The following DPYSL2 variants were observed in gnomAD, a reference collection of about 807,000 sequenced individuals.
DPYSL2 encodes dihydropyrimidinase-related protein 2.
DPYSL2 carries 13 observed loss-of-function variants against 69.9 expected under a neutral mutation model. That is an observed-to-expected ratio of 0.19 (90% confidence interval 0.12 to 0.30). DPYSL2 has a LOEUF of 0.30. DPYSL2 is among the 10% of genes least tolerant of loss of function. The pLI is 1.00. For missense variants in DPYSL2, 587 were observed against 918.9 expected (o/e 0.64, Z 4.67); for synonymous variants, 326 against 359.1 (o/e 0.91, Z 1.04).
chr8:26,656,725 T>C lies in DPYSL2; in HGVS notation c.*1019T>C, dbSNP rs535873003. 3.1e-4 allele frequency: 47 copies of C among 152,802 alleles called. No homozygotes were observed. Among genetic ancestry groups the C allele is most frequent in the Admixed American group, 1.9e-3 (29 of 15,300 alleles). 9.5% of individuals were successfully genotyped at this position (152,802 alleles called of 1,614,324 possible). On this transcript the variant is annotated 3_prime_UTR_variant, in exon 14 of 14. Coordinates refer to ENST00000521913, the MANE Select transcript of DPYSL2 (RefSeq NM_001197293.3). ...GACTGGTGCTAACCACCTGCCATCA[T>C]GAGGATGTGTGCTAGAGTGTGGGAC...
intron 1 of DPYSL2, among the ~76,000 whole-genome samples, chr8:26,515,874 T>C (rs1808278627): frequency 1.3e-5 from 2 of 152,260 alleles, no homozygotes; most frequent in Non-Finnish European, 2.9e-5. Flanking sequence ...AGGTTTCTTC[T>C]TCTCAGAGGG....
chr8:26,534,269 C>A (rs747953675), intron 1 of DPYSL2, among the ~76,000 whole-genome samples: 2 of 152,188 alleles, frequency 1.3e-5, no homozygotes, highest in Non-Finnish European at 2.9e-5. Flanking sequence ...GAGCCTCCAT[C>A]TCCTAGGCTC....
intron 1 of DPYSL2, among the ~76,000 whole-genome samples, chr8:26,559,361 A>G: frequency 6.6e-6 from 1 of 152,342 alleles, no homozygotes; most frequent in Non-Finnish European, 1.5e-5. Flanking sequence ...CACATTAAAA[A>G]TTTTAATCAT....
intron 7 of DPYSL2, among the ~76,000 whole-genome samples, chr8:26,630,515 T>C (rs2129927174): frequency 6.6e-6 from 1 of 152,336 alleles, no homozygotes; most frequent in Non-Finnish European, 1.5e-5. Context: ...TGCCTTCATT[T>C]AGTGCTCACG....
chr8:26,538,235 G>A (rs1213722663), intron 1 of DPYSL2, among the ~76,000 whole-genome samples: 1 of 152,136 alleles, frequency 6.6e-6, no homozygotes, highest in Non-Finnish European at 1.5e-5. Flanking sequence ...TGGTGGACTA[G>A]GAGGCACCAG....
At chr8:26,557,623 CAAAAAA>C (rs56215906) in intron 1 of DPYSL2, among the ~76,000 whole-genome samples, 2 of 74,320 alleles carry the variant, frequency 2.7e-5, no homozygotes, top group Non-Finnish European at 4.6e-5. Flanking sequence ...ACTAAAAATA[CAAAAAA>C]AAAAAAAAAA....
At chr8:26,523,622 G>A (rs1049378889) in intron 1 of DPYSL2, among the ~76,000 whole-genome samples, 12 of 151,880 alleles carry the variant, frequency 7.9e-5, no homozygotes, top group African/African-American at 2.9e-4. Context: ...CTCAAAGTTT[G>A]TTCATGTTGT....
rs532113729 is a variant in DPYSL2 at position 26,586,638 on chromosome 8, C to G, written c.628+2655C>G. 1.3e-5 allele frequency among the ~76,000 whole-genome samples: 2 copies of G among 152,278 alleles called. No individual in the cohort carries two copies. The highest frequency in any genetic ancestry group is 4.8e-5 in the African/African-American group (2 of 41,548). On this transcript the variant is annotated intron_variant, in intron 3 of 13. Transcript: ENST00000521913. This position sits in a 1 kb window ranked among gnomAD's most constrained non-coding sequence, Gnocchi z 4.7. ...CGTCTTCCCCCTCAGAGGCTGTGGC[C>G]TTTTTTCCATTCATCCAGATGGGTT...
chr8:26,557,140 A>T (rs139568320), intron 1 of DPYSL2, among the ~76,000 whole-genome samples: 1 of 152,316 alleles, frequency 6.6e-6, no homozygotes, highest in East Asian at 1.9e-4. Context: ...AACATAGAAG[A>T]TGACTTTTTA....
chr8:26,628,298 G>A (rs1429680407), intron 7 of DPYSL2, among the ~76,000 whole-genome samples: 7 of 152,214 alleles, frequency 4.6e-5, no homozygotes, highest in South Asian at 2.1e-4. Flanking sequence ...TCACCAAAAC[G>A]TAGTTGGAAG....
At chr8:26,639,233 A>T (rs898603617) in intron 8 of DPYSL2, among the ~76,000 whole-genome samples, 2 of 152,044 alleles carry the variant, frequency 1.3e-5, no homozygotes, top group South Asian at 2.1e-4. Context: ...GAAAAGGGGG[A>T]TGAGAGAGGA....
rs1490125109 is a variant in DPYSL2 at position 26,571,091 on chromosome 8, A to G, written c.355-10878A>G. 6.6e-6 allele frequency among the ~76,000 whole-genome samples: 1 copy of G among 152,198 alleles called. No homozygotes were observed. Among genetic ancestry groups the G allele is most frequent in the East Asian group, 1.9e-4 (1 of 5,190 alleles). On this transcript the variant is annotated intron_variant, in intron 1 of 13. Coordinates refer to ENST00000521913, the MANE Select transcript of DPYSL2 (RefSeq NM_001197293.3). The surrounding 1 kb of genome is among the most constrained non-coding windows in gnomAD (Gnocchi z 6.1). ...TTCATAATGTTCCCCCTGGACAAAG[A>G]GCAGACCAGTGATGCCCTGTGGTGA...
chr8:26,524,500 A>G (rs1808442530), intron 1 of DPYSL2, among the ~76,000 whole-genome samples: 1 of 152,070 alleles, frequency 6.6e-6, no homozygotes, highest in Admixed American at 6.6e-5. Flanking sequence ...TTAAATTCCC[A>G]TTAAAAATGA....
At chr8:26,603,612 C>G (rs1270454257) in intron 3 of DPYSL2, among the ~76,000 whole-genome samples, 1 of 152,198 alleles carries the variant, frequency 6.6e-6, no homozygotes, top group Non-Finnish European at 1.5e-5. Flanking sequence ...ACTTTATCAT[C>G]ATCCCTAACT....
In DPYSL2 at chr8:26,640,729, AG is replaced by A. The variant is rs1400313598; in HGVS notation, c.1127-2707del. ...GACAGCAAGGACCTCTGAATCCCTG[AG>A]GGAAGTTGAACAGAGCAAAGTAGAA... On this transcript the variant is annotated intron_variant, in intron 8 of 13. Coordinates refer to ENST00000521913, the MANE Select transcript of DPYSL2 (RefSeq NM_001197293.3). This position sits in a 1 kb window ranked among gnomAD's most constrained non-coding sequence, Gnocchi z 4.2. Among the ~76,000 whole-genome samples, 2 of 152,214 alleles carry A rather than the reference AG, an allele frequency of 1.3e-5. No homozygotes were observed. The highest frequency in any genetic ancestry group is 2.9e-5 in the Non-Finnish European group (2 of 68,042).
Position 26,634,786 on chromosome 8 carries a change from G to T in DPYSL2, c.1012G>T (p.Ala338Ser), listed in dbSNP as rs1273538485. Reference protein sequence around the residue: ...HVLSRPEEVEAEAVNRAITIA... With the variant: ...HVLSRPEEVESEAVNRAITIA... Reference sequence around the variant, plus strand: ...CTCTGCTGCTGTTTTGCAGGTCGAGGCCGAAGCCGTGAATCGTGCCATCAC... The same window carrying T: ...CTCTGCTGCTGTTTTGCAGGTCGAGTCCGAAGCCGTGAATCGTGCCATCAC... Residue 338 changes from alanine (A) to serine (S), a missense_variant, in exon 8 of 14, where the codon GCC becomes TCC. Physicochemically the swap from Ala to Ser is moderately conservative, Grantham distance 99. This residue lies in a region of DPYSL2 where 452 missense variants were observed against 754.3 expected (regional missense o/e 0.60). Coordinates refer to ENST00000521913, the MANE Select transcript of DPYSL2 (RefSeq NM_001197293.3). The T allele has an allele frequency of 2.5e-6, 4 of 1,614,208 alleles. No individual in the cohort carries two copies. Among genetic ancestry groups the T allele is most frequent in the Non-Finnish European group, 3.4e-6 (4 of 1,180,034 alleles).
intron 1 of DPYSL2, chr8:26,548,439 C>A (rs1800816990): frequency 6.0e-6 from 1 of 165,420 alleles, no homozygotes; most frequent in Non-Finnish European, 1.3e-5. Flanking sequence ...ATGACTTATA[C>A]TTTGTGTGGA....
At chr8:26,599,875 C>T (rs1396298342) in intron 3 of DPYSL2, among the ~76,000 whole-genome samples, 1 of 151,980 alleles carries the variant, frequency 6.6e-6, no homozygotes, top group African/African-American at 2.4e-5. Flanking sequence ...ACATTCTTAC[C>T]ACCCCAAAAA....
In DPYSL2 at chr8:26,657,452, C is replaced by T. The variant is rs1803417589; in HGVS notation, c.*1746C>T. On this transcript the variant is annotated 3_prime_UTR_variant, in exon 14 of 14. Coordinates refer to ENST00000521913, the MANE Select transcript of DPYSL2 (RefSeq NM_001197293.3). ...ATCTGCTTTTTGTAAAGCGTAAAAA[C>T]ATCACAAAGTAGGTCATTCCATCAC... 6.6e-6 allele frequency: 1 copy of T among 152,630 alleles called. No homozygotes were observed. 9.5% of individuals were successfully genotyped at this position (152,630 alleles called of 1,614,324 possible). A position where few individuals can be genotyped will look rare whatever the true frequency, so the allele number is the denominator to read the frequency against.
Sources: allele counts gnomAD v4.1 joint callset (sites outside exome capture counted in the v4.1 genomes callset), GRCh38; gene constraint gnomAD v4.1.1; regional missense constraint gnomAD v4.1.1; non-coding constraint Gnocchi (gnomAD v3.1); transcripts MANE v1.5; gene names NCBI Gene and HGNC (gene_info 2026-07-23, HGNC 2026-07-21).